Variants in INTS4 observed in about 807,000 individuals in gnomAD.
The protein encoded by INTS4 is integrator complex subunit 4, also known as MSTP093.
In INTS4, 70 loss-of-function variants were observed where a neutral mutation model predicts 119.5. The observed-to-expected ratio is 0.59, with a 90% CI of 0.48 to 0.71. The LOEUF (loss-of-function observed/expected upper bound fraction) is 0.71, where lower values mean the gene tolerates loss of function less well. Ranked by LOEUF, INTS4 falls within the 30% of genes least tolerant of loss-of-function variation. The pLI is 0.00. For missense variants in INTS4, 867 were observed against 1,173.2 expected, an observed-to-expected ratio of 0.74 and a Z score of 3.81; for synonymous variants, 316 against 419.6, an observed-to-expected ratio of 0.75 and a Z score of 3.02.
intron 3 of INTS4, among the ~76,000 whole-genome samples, chr11:77,979,680 GAA>G (rs112112129): frequency 1.6e-5 from 2 of 123,474 alleles, no homozygotes; most frequent in Admixed American, 8.1e-5. Context: ...CTAAGAAACA[GAA>G]AAAAAAAAAA....
rs1856828847 is a variant in INTS4 at position 77,994,625 on chromosome 11, T to A, written c.19A>T (p.Lys7Ter). The A allele has an allele frequency of 6.2e-7, 1 of 1,614,156 alleles. No homozygotes were observed. The highest frequency in any genetic ancestry group is 8.5e-7 in the Non-Finnish European group (1 of 1,180,020). MAAHLK[K>*]RVYEEFTKVV... ...TTCGTGAATTCCTCATAAACCCGCT[T>A]CTTAAGGTGCGCCGCCATGCCTACC... is the stretch of plus-strand genomic sequence containing the variant. The change falls in exon 1 of 23, where the codon AAG (lysine) becomes TAG (stop). Residue 7 changes from lysine (K) to a stop codon, truncating the protein, a stop_gained. Coordinates refer to ENST00000534064, the MANE Select transcript of INTS4 (RefSeq NM_033547.4). LOFTEE classifies it high-confidence loss of function.
chr11:77,955,850 T>G, intron 8 of INTS4, 92 bp downstream of exon 8: 1 of 1,284,018 alleles, frequency 7.8e-7, no homozygotes, highest in Non-Finnish European at 1.1e-6. Flanking sequence ...GCCAAGAGTT[T>G]GAGACCAACC....
At chr11:77,877,219 C>T (rs922229236), downstream of INTS4, among the ~76,000 whole-genome samples, 2 of 151,636 alleles carry the variant, frequency 1.3e-5, no homozygotes, top group Non-Finnish European at 1.5e-5. Flanking sequence ...ACTTCAGCTG[C>T]CTTGTTTATA....
intron 10 of INTS4, among the ~76,000 whole-genome samples, chr11:77,934,618 T>TA (rs1367606572): frequency 6.6e-6 from 1 of 151,522 alleles, no homozygotes; most frequent in Non-Finnish European, 1.5e-5. Context: ...AATAAAAAAA[T>TA]AAAAAAATAA....
rs1177870108 is a variant in INTS4 at position 77,994,527 on chromosome 11, C to G, written c.54+63G>C. On this transcript the variant is annotated intron_variant, in intron 1 of 22. Transcript: ENST00000534064. ...GAGCCTCTTCTGTTCCGGCAAAGTG[C>G]CTGGGATTTGGATAATCTACCCTGG... is the stretch of plus-strand genomic sequence containing the variant. 7 of 1,321,418 alleles carry G rather than the reference C, an allele frequency of 5.3e-6. No homozygotes were observed. In the South Asian group the frequency reaches 5.9e-5, roughly 11 times the overall value. The allele number at this position is 1,321,418 out of a possible 1,614,324, so 81.9% of individuals were successfully genotyped here. A position where few individuals can be genotyped will look rare whatever the true frequency, so the allele number is the denominator to read the frequency against.
At chr11:77,939,475 T>C (rs1380347936) in intron 9 of INTS4, among the ~76,000 whole-genome samples, 2 of 150,860 alleles carry the variant, frequency 1.3e-5, no homozygotes, top group Non-Finnish European at 3.0e-5. Flanking sequence ...CCAGTAAAAG[T>C]ATTTTTCTAT....
At chr11:77,916,146 G>C (rs1368254940) in intron 15 of INTS4, among the ~76,000 whole-genome samples, 1 of 152,132 alleles carries the variant, frequency 6.6e-6, no homozygotes, top group Admixed American at 6.5e-5. Context: ...AGCCTCTTTT[G>C]TTTTCTGCAA....
At chr11:77,960,513 A>G in intron 5 of INTS4, 122 bp from the exon 6 acceptor site, 1 of 633,396 alleles carries the variant, frequency 1.6e-6, no homozygotes, top group Non-Finnish European at 2.8e-6. Context: ...TTTAGCCAAA[A>G]TTAGTGCTAT....
rs542963058 is a variant in INTS4 at position 77,902,983 on chromosome 11, C to A, written c.2097+557G>T. On this transcript the variant is annotated intron_variant, in intron 17 of 22. Transcript: ENST00000534064. ...CAGCGTTTCACCATGTTGGCCAGGC[C>A]GGTCTCAAACTCCTAACCTTAAGTG... Among the ~76,000 whole-genome samples, 164 of 152,232 alleles carry A rather than the reference C, an allele frequency of 1.1e-3. 1 individual carries two copies. The highest frequency in any genetic ancestry group is 3.9e-3 in the African/African-American group (160 of 41,538).
At chr11:77,990,264 G>A (rs1185447612) in intron 2 of INTS4, among the ~76,000 whole-genome samples, 1 of 150,686 alleles carries the variant, frequency 6.6e-6, no homozygotes, top group African/African-American at 2.4e-5. Context: ...GTAGTGGCAC[G>A]TCTGCAGTCC....
intron 14 of INTS4, among the ~76,000 whole-genome samples, chr11:77,921,132 A>G (rs1406852229): frequency 3.3e-5 from 5 of 152,152 alleles, no homozygotes; most frequent in Non-Finnish European, 5.9e-5. Flanking sequence ...AGCACAAAAA[A>G]TAAAAAGCCA....
chr11:77,908,375 C>G (rs1953012667), intron 15 of INTS4, among the ~76,000 whole-genome samples: 1 of 150,528 alleles, frequency 6.6e-6, no homozygotes, highest in Non-Finnish European at 1.5e-5. Flanking sequence ...GTTGCCCAGA[C>G]TGGAGTACAG....
intron 4 of INTS4, chr11:77,977,947 T>TG (rs1243163194): frequency 2.0e-5 from 3 of 151,946 alleles, no homozygotes; most frequent in African/African-American, 7.3e-5. Flanking sequence ...TGGAGTGCAG[T>TG]GGCTCAATCT....
intron 2 of INTS4, among the ~76,000 whole-genome samples, chr11:77,983,696 T>C (rs927242404): frequency 1.2e-4 from 19 of 152,116 alleles, no homozygotes; most frequent in African/African-American, 4.1e-4. Context: ...GGCGAGGATG[T>C]AGAGAAATTA....
chr11:77,936,597 G>GA (rs893953339), intron 10 of INTS4, among the ~76,000 whole-genome samples: 1 of 152,036 alleles, frequency 6.6e-6, no homozygotes, highest in Non-Finnish European at 1.5e-5. Flanking sequence ...GTCCAGGATG[G>GA]AAAAAACCCA....
At chr11:77,949,189 G>C (rs757744450) in intron 8 of INTS4, among the ~76,000 whole-genome samples, 3 of 152,154 alleles carry the variant, frequency 2.0e-5, no homozygotes, top group Admixed American at 6.5e-5. Flanking sequence ...ATCATGTAAA[G>C]TGAAATAAGC....
intron 18 of INTS4, among the ~76,000 whole-genome samples, chr11:77,897,169 C>G (rs572417747): frequency 6.6e-6 from 1 of 151,534 alleles, no homozygotes; most frequent in Non-Finnish European, 1.5e-5. Flanking sequence ...ATTTAAAAGG[C>G]GACAGAGAAC....
At chr11:77,973,487 G>A (rs539611503) in intron 4 of INTS4, among the ~76,000 whole-genome samples, 2 of 151,662 alleles carry the variant, frequency 1.3e-5, no homozygotes, top group African/African-American at 4.8e-5. Flanking sequence ...TATTTGTTTT[G>A]TTTCTCATTT....
chr11:77,994,578 G>A lies in INTS4; in HGVS notation c.54+12C>T. 2 of 1,601,420 alleles carry A rather than the reference G, an allele frequency of 1.2e-6. No homozygotes were observed. The highest frequency in any genetic ancestry group is 1.7e-6 in the Non-Finnish European group (2 of 1,168,280). On this transcript the variant is annotated intron_variant, in intron 1 of 22. Transcript: ENST00000534064. ...TCCGGATCGGTTCTGGATCTTTCCC[G>A]CCAGAGCTTACCTGAACCACTTTCG...
Sources: allele counts gnomAD v4.1 joint callset (sites outside exome capture counted in the v4.1 genomes callset), GRCh38; gene constraint gnomAD v4.1.1; transcripts MANE v1.5; gene names NCBI Gene and HGNC (gene_info 2026-07-23, HGNC 2026-07-21).